The following CLASP1 variants were observed in gnomAD, a reference collection of about 807,000 sequenced individuals.
CLASP1 encodes the protein cytoplasmic linker associated protein 1, also known as CLIP-associating protein 1.
A neutral mutation model predicts 192.3 loss-of-function variants in CLASP1; 38 were observed. That is an observed-to-expected ratio of 0.20 (90% confidence interval 0.15 to 0.26). CLASP1 has a LOEUF of 0.26. Ranked by LOEUF, CLASP1 falls within the 10% of genes least tolerant of loss-of-function variation. The pLI is 1.00. For missense variants in CLASP1, 1,433 were observed against 1,932.5 expected (o/e 0.74, Z 4.85); for synonymous variants, 691 against 712.8 (o/e 0.97, Z 0.49).
At chr2:121,510,372 G>A (rs2094092764) in intron 7 of CLASP1, among the ~76,000 whole-genome samples, 1 of 152,168 alleles carries the variant, frequency 6.6e-6, no homozygotes, top group Admixed American at 6.5e-5. Flanking sequence ...TTACTGCTAA[G>A]CATGTACAAA....
chr2:121,586,591 T>G (rs1045930531), intron 2 of CLASP1, among the ~76,000 whole-genome samples: 2 of 152,222 alleles, frequency 1.3e-5, no homozygotes, highest in African/African-American at 4.8e-5. Flanking sequence ...TTTTTCTCTA[T>G]GCGTTGGCAT....
Position 121,532,449 on chromosome 2 carries a change from G to A in CLASP1, c.196-2124C>T, listed in dbSNP as rs572480341. 3.3e-5 allele frequency: 5 copies of A among 152,314 alleles called. No individual in the cohort carries two copies. In the South Asian group the frequency reaches 1.0e-3, roughly 32 times the overall value. 9.4% of individuals were successfully genotyped at this position (152,314 alleles called of 1,614,324 possible). A position where few individuals can be genotyped will look rare whatever the true frequency, so the allele number is the denominator to read the frequency against. On this transcript the variant is annotated intron_variant, in intron 2 of 39. Coordinates refer to ENST00000263710, the Ensembl canonical transcript of CLASP1. ...CAGACGCAACCTCAGCCAGATGGTGGAGGTCAACATCAAGTACACGTCATA... is the reference window on the plus strand; with the variant it reads ...CAGACGCAACCTCAGCCAGATGGTGAAGGTCAACATCAAGTACACGTCATA...
chr2:121,348,334 T>C (rs1027603126), intron 38 of CLASP1, among the ~76,000 whole-genome samples, 178 bp downstream of exon 39: 62 of 151,990 alleles, frequency 4.1e-4, no homozygotes, highest in Admixed American at 1.4e-3. Flanking sequence ...GGAGAGGGGG[T>C]GAGCTGGAAG....
At chr2:121,641,067 G>A (rs893855328) in intron 1 of CLASP1, among the ~76,000 whole-genome samples, 3 of 152,222 alleles carry the variant, frequency 2.0e-5, no homozygotes, top group Non-Finnish European at 4.4e-5. Context: ...AGAAGGAGCT[G>A]TTTTTATGCA....
intron 6 of CLASP1, among the ~76,000 whole-genome samples, chr2:121,524,721 T>C (rs1385204670): frequency 6.6e-5 from 10 of 152,294 alleles, no homozygotes; most frequent in African/African-American, 2.2e-4. Flanking sequence ...CCTCCTAAAG[T>C]GCTGGGATTA....
At chr2:121,425,267 C>T in exon 22 of CLASP1, 2 of 1,612,688 alleles carry the variant, frequency 1.2e-6, no homozygotes, top group Non-Finnish European at 1.7e-6. Context: ...ACCATAACCA[C>T]TTCCCAACAA....
At chr2:121,339,424 C>T (rs1026279141) in exon 40 of CLASP1, 31 of 152,316 alleles carry the variant, frequency 2.0e-4, no homozygotes, top group African/African-American at 7.0e-4. Flanking sequence ...AAGCATTTTC[C>T]TTATGGAAAA....
intron 6 of CLASP1, among the ~76,000 whole-genome samples, chr2:121,524,855 T>G (rs902650771): frequency 2.0e-5 from 3 of 151,812 alleles, no homozygotes; most frequent in Non-Finnish European, 2.9e-5. Context: ...GGGGAGAGGC[T>G]GGGGTGGAAG....
chr2:121,528,348 C>G (rs1240507562), intron 4 of CLASP1, among the ~76,000 whole-genome samples: 1 of 152,196 alleles, frequency 6.6e-6, no homozygotes, highest in African/African-American at 2.4e-5. Flanking sequence ...AGCCAGGCCT[C>G]CTGACTCCCC....
exon 23 of CLASP1, chr2:121,418,722 G>A (rs2079006714): frequency 6.2e-7 from 1 of 1,612,036 alleles, no homozygotes; most frequent in Non-Finnish European, 8.5e-7. Context: ...GGATACGGCT[G>A]CTCCGTGCTA....
chr2:121,636,139 C>T (rs989849145), intron 1 of CLASP1, among the ~76,000 whole-genome samples: 2 of 151,082 alleles, frequency 1.3e-5, no homozygotes, highest in Non-Finnish European at 2.9e-5. Flanking sequence ...GAGTTCAAGA[C>T]GAACCTGGTC....
chr2:121,469,816 T>C (rs2090345174), exon 9 of CLASP1: 1 of 1,611,646 alleles, frequency 6.2e-7, no homozygotes, highest in Non-Finnish European at 8.5e-7. Context: ...ACCTGAAGAC[T>C]TGGATCCAAG....
chr2:121,577,684 A>G (rs1417673444), intron 2 of CLASP1, among the ~76,000 whole-genome samples: 2 of 152,176 alleles, frequency 1.3e-5, no homozygotes, highest in East Asian at 3.8e-4. Context: ...GTTTCCTCAA[A>G]TTTAAAATGA....
At chr2:121,568,293 C>T (rs1016865880) in intron 2 of CLASP1, among the ~76,000 whole-genome samples, 1 of 151,968 alleles carries the variant, frequency 6.6e-6, no homozygotes. Flanking sequence ...CCACCCCTCC[C>T]GGAACCCTGG....
intron 32 of CLASP1, 103 bp downstream of exon 33, chr2:121,387,019 C>G (rs1339471151): frequency 1.1e-6 from 1 of 949,494 alleles, no homozygotes; most frequent in Non-Finnish European, 1.7e-6. Context: ...ACTCAATATT[C>G]TTTTTGTTAT....
intron 8 of CLASP1, among the ~76,000 whole-genome samples, chr2:121,479,921 G>T (rs1382539688): frequency 6.6e-6 from 1 of 152,178 alleles, no homozygotes; most frequent in Non-Finnish European, 1.5e-5. Flanking sequence ...GGTGGAAATG[G>T]CATAATAGAA....
chr2:121,523,208 T>C (rs2094496630), intron 6 of CLASP1, among the ~76,000 whole-genome samples: 1 of 152,238 alleles, frequency 6.6e-6, no homozygotes, highest in African/African-American at 2.4e-5. Context: ...ATACTCTGCC[T>C]TTTGGCAACT....
At chr2:121,530,767 A>C in intron 2 of CLASP1, 1 of 544,702 alleles carries the variant, frequency 1.8e-6, no homozygotes, top group Non-Finnish European at 3.3e-6. Flanking sequence ...AAAGCTGTGG[A>C]GGCTGGAGGT....
intron 19 of CLASP1, among the ~76,000 whole-genome samples, chr2:121,431,100 A>G (rs1000529026): frequency 6.6e-6 from 1 of 152,176 alleles, no homozygotes; most frequent in African/African-American, 2.4e-5. Flanking sequence ...ATGTTGTTCA[A>G]AATCACTTCT....
Sources: allele counts gnomAD v4.1 joint callset (sites outside exome capture counted in the v4.1 genomes callset), GRCh38; gene constraint gnomAD v4.1.1; transcripts MANE v1.5; gene names NCBI Gene and HGNC (gene_info 2026-07-23, HGNC 2026-07-21).